The following POLA1 variants were observed in gnomAD, a reference collection of about 807,000 sequenced individuals.
POLA1 encodes DNA polymerase alpha catalytic subunit.
A neutral mutation model predicts 124.0 loss-of-function variants in POLA1; 15 were observed. That is an observed-to-expected ratio of 0.12 (90% CI 0.08 to 0.19). The LOEUF (loss-of-function observed/expected upper bound fraction) is 0.19, where lower values mean the gene tolerates loss of function less well. Ranked by LOEUF, POLA1 falls within the 10% of genes least tolerant of loss-of-function variation. POLA1 has a pLI of 1.00. For synonymous variants in POLA1, 408 were observed against 389.4 expected (o/e 1.05, Z -0.56); for missense variants, 886 against 1,103.4 (o/e 0.80, Z 2.79).
chrX:24,987,369 T>G (rs983329580), intron 36 of POLA1, among the ~76,000 whole-genome samples: 8 of 111,792 alleles, frequency 7.2e-5, no homozygotes, highest in Non-Finnish European at 1.5e-4. Flanking sequence ...ATGTATGTAT[T>G]GTGTGTTATG....
At chrX:24,816,038 A>G (rs1287698214) in intron 30 of POLA1, among the ~76,000 whole-genome samples, 1 of 112,334 alleles carries the variant, frequency 8.9e-6, no homozygotes, top group African/African-American at 3.2e-5. Context: ...ATACATCTTT[A>G]TTTAAATTTG....
At chrX:24,916,485 G>C (rs376567074) in intron 35 of POLA1, among the ~76,000 whole-genome samples, 7 of 109,822 alleles carry the variant, frequency 6.4e-5, no homozygotes, top group African/African-American at 1.7e-4. Context: ...CACCATGTTG[G>C]CCAGGCTGGT....
At chrX:24,994,020 C>T (rs2048568526) in intron 36 of POLA1, among the ~76,000 whole-genome samples, 1 of 112,021 alleles carries the variant, frequency 8.9e-6, no homozygotes, top group African/African-American at 3.3e-5. Flanking sequence ...TCTTTTCCTC[C>T]CCTGCTCCGT....
At chrX:24,715,577 A>G (rs891959221) in intron 6 of POLA1, among the ~76,000 whole-genome samples, 2 of 112,461 alleles carry the variant, frequency 1.8e-5, no homozygotes, top group African/African-American at 6.5e-5. Flanking sequence ...TACAGGCGTG[A>G]GCCACTGTGC....
Position 24,743,331 on chromosome X carries a change from TA to T in POLA1, c.2566+4del. 1 of 1,048,610 alleles carries T rather than the reference TA, an allele frequency of 9.5e-7. No homozygotes were observed. The highest frequency in any genetic ancestry group is 1.3e-6 in the Non-Finnish European group (1 of 752,520). 86.4% of individuals were successfully genotyped at this position (1,048,610 alleles called of 1,213,427 possible). A position where few individuals can be genotyped will look rare whatever the true frequency, so the allele number is the denominator to read the frequency against. ...GCTTGGTTTTGGACCCCAAAGTTGG[TA>T]AGGCTGGGCAGTGAATTGGTTTTCT... On this transcript the variant is annotated splice_donor_region_variant and intron_variant, in intron 23 of 36. Coordinates refer to ENST00000379068, the MANE Select transcript of POLA1 (RefSeq NM_001330360.2).
At chrX:24,951,690 A>G (rs2048046912) in intron 36 of POLA1, among the ~76,000 whole-genome samples, 1 of 111,569 alleles carries the variant, frequency 9.0e-6, no homozygotes, top group Non-Finnish European at 1.9e-5. Context: ...ATCTTAAAAT[A>G]TTAGTTATTA....
intron 34 of POLA1, among the ~76,000 whole-genome samples, chrX:24,876,728 A>C (rs1414336389): frequency 9.1e-6 from 1 of 110,475 alleles, no homozygotes; most frequent in Non-Finnish European, 1.9e-5. Flanking sequence ...GGGTGGAGAG[A>C]CGAAGTCAGG....
chrX:24,868,211 G>A (rs577896848), intron 34 of POLA1, among the ~76,000 whole-genome samples: 7 of 112,015 alleles, frequency 6.2e-5, no homozygotes, highest in East Asian at 2.8e-4. Context: ...TGTTGTCCAC[G>A]TTAGGGGAAA....
At chrX:24,739,691 A>T in intron 20 of POLA1, 141 bp downstream of exon 20, 1 of 406,228 alleles carries the variant, frequency 2.5e-6, no homozygotes, top group East Asian at 4.4e-5. Context: ...CATAATTTGA[A>T]CTAGTTTACC....
intron 35 of POLA1, among the ~76,000 whole-genome samples, chrX:24,912,070 A>G (rs1342544201): frequency 8.9e-6 from 1 of 112,428 alleles, no homozygotes; most frequent in Non-Finnish European, 1.9e-5. Flanking sequence ...TAGACTCACA[A>G]GTGTGGCCAT....
At chrX:24,779,005 C>T (rs1313901787) in intron 26 of POLA1, among the ~76,000 whole-genome samples, 1 of 111,848 alleles carries the variant, frequency 8.9e-6, no homozygotes, top group Non-Finnish European at 1.9e-5. Flanking sequence ...AGATAGGAAG[C>T]CATTGTACTG....
intron 35 of POLA1, among the ~76,000 whole-genome samples, chrX:24,912,292 A>G (rs1198147711): frequency 8.9e-6 from 1 of 112,403 alleles, no homozygotes; most frequent in Non-Finnish European, 1.9e-5. Context: ...GAAAATCTTC[A>G]TGACCTAGGG....
intron 36 of POLA1, among the ~76,000 whole-genome samples, chrX:24,935,596 C>T (rs1445108233): frequency 8.9e-6 from 1 of 112,832 alleles, no homozygotes; most frequent in Non-Finnish European, 1.9e-5. Flanking sequence ...CAGGTGAAAT[C>T]CCACATTCAC....
At chrX:24,834,569 C>T (rs1428418507) in intron 32 of POLA1, among the ~76,000 whole-genome samples, 2 of 111,617 alleles carry the variant, frequency 1.8e-5, no homozygotes, top group African/African-American at 3.3e-5. Flanking sequence ...ATCAGGAGTT[C>T]GAGACAAGCC....
chrX:24,887,123 A>G lies in POLA1; in HGVS notation c.4048-883A>G, dbSNP rs777212229. On this transcript the variant is annotated intron_variant, in intron 34 of 36. Transcript: ENST00000379068. ...GAAAGCCCACAGACCTTGGTGCCTT[A>G]GTATGAACAGGTGAACTTTGACCCC... Among the ~76,000 whole-genome samples, 97 of 112,516 alleles carry G rather than the reference A, an allele frequency of 8.6e-4. 1 individual carries two copies. The highest frequency in any genetic ancestry group is 3.0e-3 in the African/African-American group (93 of 31,022).
At chrX:24,840,984 T>C (rs781219633) in intron 32 of POLA1, among the ~76,000 whole-genome samples, 24 of 112,657 alleles carry the variant, frequency 2.1e-4, no homozygotes, top group Non-Finnish European at 3.8e-4. Context: ...ATTTCTTATG[T>C]TGTTTTGAAT....
chrX:24,812,055 C>G (rs1032931857), intron 28 of POLA1, among the ~76,000 whole-genome samples: 2 of 112,379 alleles, frequency 1.8e-5, no homozygotes, highest in African/African-American at 6.5e-5. Context: ...CTTCACTTGA[C>G]AGCAAGCCTG....
intron 20 of POLA1, among the ~76,000 whole-genome samples, chrX:24,739,868 T>C (rs1027176445): frequency 1.8e-5 from 2 of 112,063 alleles, no homozygotes; most frequent in African/African-American, 6.5e-5. Context: ...AATCATTAAG[T>C]TAGAGGTATT....
chrX:24,782,638 C>T (rs1448489880), intron 26 of POLA1, among the ~76,000 whole-genome samples: 1 of 111,024 alleles, frequency 9.0e-6, no homozygotes, highest in African/African-American at 3.3e-5. Flanking sequence ...TTCCCCCTTA[C>T]ATCCATGGTG....
Sources: gnomAD v4.1 joint callset for allele counts (sites outside exome capture counted in the v4.1 genomes callset) on GRCh38, gnomAD v4.1.1 for gene constraint, MANE v1.5 for transcripts, NCBI Gene and HGNC (gene_info 2026-07-23, HGNC 2026-07-21) for gene names.